The following TPRG1 variants were observed in gnomAD, a reference collection of about 807,000 sequenced individuals.
TPRG1 encodes tumor protein p63 regulated 1.
TPRG1 carries 29 observed loss-of-function variants against 29.3 expected under a neutral mutation model. That is an observed-to-expected ratio of 0.99 (90% confidence interval 0.74 to 1.35). TPRG1 has a LOEUF of 1.35. Among genes scored for constraint, TPRG1 ranks in the 40% most tolerant of loss-of-function variants. The pLI is 0.00. For missense variants in TPRG1, 327 were observed against 335.0 expected (o/e 0.98, Z 0.19); for synonymous variants, 130 against 116.8 (o/e 1.11, Z -0.73).
intron 2 of TPRG1, 61 bp downstream of exon 2, chr3:189,207,655 C>A (rs1406203437): frequency 1.4e-5 from 21 of 1,506,736 alleles, no homozygotes; most frequent in East Asian, 2.3e-5. Context: ...TCTTAAAATC[C>A]TTCTGTGTAT....
intron 4 of TPRG1, among the ~76,000 whole-genome samples, chr3:189,281,565 T>C (rs1009821245): frequency 1.3e-5 from 2 of 152,114 alleles, no homozygotes; most frequent in Non-Finnish European, 2.9e-5. Context: ...CACGTGAGTG[T>C]GTATAAGAGA....
intron 5 of TPRG1, among the ~76,000 whole-genome samples, chr3:189,159,381 G>A (rs1211804911): frequency 1.3e-5 from 2 of 152,042 alleles, no homozygotes; most frequent in African/African-American, 4.8e-5. Flanking sequence ...GAATAAGATA[G>A]GCAACGGCAA....
intron 1 of TPRG1, among the ~76,000 whole-genome samples, chr3:189,126,444 G>T (rs1405022991): frequency 6.6e-6 from 1 of 152,172 alleles, no homozygotes; most frequent in African/African-American, 2.4e-5. Context: ...ACTGGCCACT[G>T]GTTATTTATA....
At chr3:189,222,595 C>T (rs1737106789) in intron 3 of TPRG1, among the ~76,000 whole-genome samples, 1 of 152,196 alleles carries the variant, frequency 6.6e-6, no homozygotes, top group Admixed American at 6.5e-5. Context: ...GAACACAAAT[C>T]TGCATTTTCA....
At chr3:189,022,269 T>C (rs1713363095) in intron 3 of TPRG1, among the ~76,000 whole-genome samples, 1 of 151,352 alleles carries the variant, frequency 6.6e-6, no homozygotes, top group Non-Finnish European at 1.5e-5. Flanking sequence ...GTTCCGTTGC[T>C]GGTGAGGAAC....
intron 4 of TPRG1, among the ~76,000 whole-genome samples, chr3:189,275,544 C>G (rs73061051): frequency 0.013 from 1,998 of 152,204 alleles, 44 homozygotes; most frequent in African/African-American, 0.046. Context: ...GAGGGAAAGG[C>G]TATTCCAGGG....
At chr3:189,123,018 G>A (rs76078494) in intron 1 of TPRG1, among the ~76,000 whole-genome samples, 1,641 of 152,236 alleles carry the variant, frequency 0.011, 47 homozygotes, top group East Asian at 0.076. Flanking sequence ...AAGTGAAAAC[G>A]CTCTAATAAA....
At chr3:189,226,031 GA>G (rs1356164713) in intron 3 of TPRG1, among the ~76,000 whole-genome samples, 1 of 152,068 alleles carries the variant, frequency 6.6e-6, no homozygotes, top group African/African-American at 2.4e-5. Flanking sequence ...ACAGAAATGA[GA>G]AATAGACAAA....
rs71169040 is a variant in TPRG1 at position 189,312,117 on chromosome 3, GTTTCTTTCTTTCTTTC to G, written c.633+1630_633+1645del. 5.1e-3 allele frequency among the ~76,000 whole-genome samples: 313 copies of G among 61,364 alleles called. 2 individuals carry two copies. Among genetic ancestry groups the G allele is most frequent in the African/African-American group, 0.014 (186 of 13,076 alleles). 40.3% of individuals were successfully genotyped at this position (61,364 alleles called of 152,430 possible). A position where few individuals can be genotyped will look rare whatever the true frequency, so the allele number is the denominator to read the frequency against. ...TCTTTGTTTCTTTGTTTCTTTCTTT[GTTTCTTTCTTTCTTTC>G]TTTCTTTCTTTCTTTCTTTCTTTCT... On this transcript the variant is annotated intron_variant, in intron 5 of 5. Transcript: ENST00000345063.
At chr3:189,027,078 A>G (rs143600135) in intron 4 of TPRG1, among the ~76,000 whole-genome samples, 9 of 152,224 alleles carry the variant, frequency 5.9e-5, no homozygotes, top group African/African-American at 2.2e-4. Flanking sequence ...AATACCTTGC[A>G]CGCAATGCTA....
At chr3:189,272,499 T>C (rs1346194023) in intron 4 of TPRG1, among the ~76,000 whole-genome samples, 1 of 152,198 alleles carries the variant, frequency 6.6e-6, no homozygotes, top group African/African-American at 2.4e-5. Flanking sequence ...TTATTGTGTC[T>C]GTAAAGTGCT....
intron 4 of TPRG1, among the ~76,000 whole-genome samples, chr3:189,149,948 T>C (rs1426442322): frequency 2.6e-5 from 4 of 152,230 alleles, no homozygotes. Context: ...TACTTTAGCA[T>C]CGACTCTTGC....
At chr3:189,176,259 G>C (rs1484892162) in intron 1 of TPRG1, among the ~76,000 whole-genome samples, 2 of 152,192 alleles carry the variant, frequency 1.3e-5, no homozygotes, top group East Asian at 3.9e-4. Flanking sequence ...ACGTATGTAG[G>C]TGATGTGACA....
intron 1 of TPRG1, among the ~76,000 whole-genome samples, chr3:189,194,254 T>C (rs1051306610): frequency 2.6e-5 from 4 of 152,084 alleles, no homozygotes; most frequent in African/African-American, 9.7e-5. Context: ...CAGCATAGGT[T>C]GTTAATGTTC....
At chr3:189,043,699 G>T (rs189456238) in intron 4 of TPRG1, among the ~76,000 whole-genome samples, 1 of 152,194 alleles carries the variant, frequency 6.6e-6, no homozygotes, top group Admixed American at 6.5e-5. Context: ...GGAATTCTAT[G>T]ACACCCACTC....
chr3:189,297,666 C>G (rs982037733), intron 4 of TPRG1, among the ~76,000 whole-genome samples: 3 of 152,214 alleles, frequency 2.0e-5, no homozygotes, highest in African/African-American at 7.2e-5. Context: ...CTAAACCACG[C>G]TCTGAGTGTC....
At chr3:189,119,909 T>A (rs1349561912) in intron 1 of TPRG1, among the ~76,000 whole-genome samples, 1 of 152,218 alleles carries the variant, frequency 6.6e-6, no homozygotes, top group African/African-American at 2.4e-5. Context: ...GGAGCGCCTC[T>A]GGCTCAGCCG....
chr3:189,094,374 GC>G (rs897100699), intron 4 of TPRG1, among the ~76,000 whole-genome samples: 2 of 152,026 alleles, frequency 1.3e-5, no homozygotes. Flanking sequence ...CTCCATAACT[GC>G]CCCCTCCTTC....
At chr3:189,164,636 TTA>T (rs1491482396) in intron 5 of TPRG1, among the ~76,000 whole-genome samples, 17 of 151,254 alleles carry the variant, frequency 1.1e-4, no homozygotes, top group East Asian at 9.7e-4. Flanking sequence ...TCCCTTTTTT[TTA>T]AAAAAAAAAG....
Sources: allele counts gnomAD v4.1 joint callset (sites outside exome capture counted in the v4.1 genomes callset), GRCh38; gene constraint gnomAD v4.1.1; transcripts MANE v1.5; gene names NCBI Gene and HGNC (gene_info 2026-07-23, HGNC 2026-07-21).